DPF1: variants seen among roughly 807,000 people sequenced by gnomAD.
DPF1 encodes double PHD fingers 1, also known as zinc finger protein neuro-d4.
Under a neutral mutation model 58.7 loss-of-function variants are expected in DPF1, and 14 were observed. That is an observed-to-expected ratio of 0.24 (90% CI 0.16 to 0.37). The LOEUF is 0.37. Among genes scored for constraint, DPF1 ranks in the 10% least tolerant of loss-of-function variants. DPF1 has a pLI of 1.00. For synonymous variants in DPF1, 216 were observed against 216.0 expected (o/e 1.00, Z 0.00); for missense variants, 345 against 529.9 (o/e 0.65, Z 3.43).
chr19:38,214,770 G>A (rs887209776), intron 9 of DPF1, among the ~76,000 whole-genome samples: 22 of 151,430 alleles, frequency 1.5e-4, no homozygotes, highest in Non-Finnish European at 2.6e-4. Flanking sequence ...AGGCTCCAGC[G>A]ATCCTCCCAC....
intron 10 of DPF1, 65 bp from the exon 11 acceptor site, chr19:38,212,426 G>C (rs1007167587): frequency 4.9e-6 from 3 of 614,536 alleles, no homozygotes; most frequent in Non-Finnish European, 8.6e-6. Flanking sequence ...GGGGTGGGGG[G>C]CTGGGGCAGG....
At chr19:38,218,737 G>C (rs1967222576) in intron 4 of DPF1, 75 bp from the exon 5 acceptor site, 3 of 1,567,272 alleles carry the variant, frequency 1.9e-6, no homozygotes, top group Non-Finnish European at 2.6e-6. Context: ...CTGGGCAAAG[G>C]TGGAGATTGG....
Position 38,218,682 on chromosome 19 carries a change from G to A in DPF1, c.427-20C>T, listed in dbSNP as rs1045936533. ...CTGTTTCTGGGCAATAGAGAAAGGAGACGGGTCAAGAAAGTGGGGGCCACT... is the reference window on the plus strand; with the variant it reads ...CTGTTTCTGGGCAATAGAGAAAGGAAACGGGTCAAGAAAGTGGGGGCCACT... On this transcript the variant is annotated intron_variant, in intron 4 of 11. Transcript: ENST00000355526. 4 of 1,613,736 alleles carry A rather than the reference G, an allele frequency of 2.5e-6. No homozygotes were observed. The African/African-American group carries it at 4.0e-5, about 16-fold the overall frequency.
Position 38,211,331 on chromosome 19 carries a change from C to T in DPF1, c.*732G>A, listed in dbSNP as rs1973399436. ...GCGGAGTCTGTGCTTCTCATTCCAG[C>T]AGGCGCTGGGCGGGGGCCCACCCGG... On this transcript the variant is annotated 3_prime_UTR_variant, in exon 12 of 12. Transcript: ENST00000355526. This position sits in a 1 kb window ranked among gnomAD's most constrained non-coding sequence, Gnocchi z 4.0. 6.6e-6 allele frequency: 1 copy of T among 152,184 alleles called. No homozygotes were observed. The highest frequency in any genetic ancestry group is 2.4e-5 in the African/African-American group (1 of 41,438). The allele number at this position is 152,184 out of a possible 1,614,324, so 9.4% of individuals were successfully genotyped here.
chr19:38,218,143 A>G (rs1428888013), intron 5 of DPF1, among the ~76,000 whole-genome samples: 1 of 152,226 alleles, frequency 6.6e-6, no homozygotes, highest in African/African-American at 2.4e-5. Context: ...CGGAGGTTGC[A>G]GTGAGCAGAT....
Position 38,224,146 on chromosome 19 carries a change from G to A in DPF1, c.-4C>T, listed in dbSNP as rs1371790097. The A allele has an allele frequency of 2.1e-5, 31 of 1,477,074 alleles. No individual in the cohort carries two copies. Among genetic ancestry groups the A allele is most frequent in the Non-Finnish European group, 2.5e-5 (28 of 1,123,328 alleles). The allele number at this position is 1,477,074 out of a possible 1,614,324, so 91.5% of individuals were successfully genotyped here. On this transcript the variant is annotated 5_prime_UTR_variant, in exon 1 of 12. Coordinates refer to ENST00000355526, the MANE Select transcript of DPF1 (RefSeq NM_001135155.3). The surrounding 1 kb of genome is among the most constrained non-coding windows in gnomAD (Gnocchi z 4.5). ...GGCCAGGGATGACAGTGGCCATCTTGCTCCCCGGGTCCTGCCCCCAGCAGG... is the reference window on the plus strand; with the variant it reads ...GGCCAGGGATGACAGTGGCCATCTTACTCCCCGGGTCCTGCCCCCAGCAGG...
chr19:38,219,340 G>T, intron 3 of DPF1: 1 of 450,280 alleles, frequency 2.2e-6, no homozygotes, highest in Non-Finnish European at 4.0e-6. Flanking sequence ...GACCTACTCA[G>T]GGAAGACACA....
Position 38,218,563 on chromosome 19 carries a change from G to T in DPF1, c.516+10C>A, listed in dbSNP as rs1296280071. On this transcript the variant is annotated intron_variant, in intron 5 of 11. Transcript: ENST00000355526. Reference sequence around the variant, plus strand: ...GGGGAGCGGGGAAGAGGAGAAGCTTGGGGTGATACCTTTCCTTTGGCCCTG... The same window carrying T: ...GGGGAGCGGGGAAGAGGAGAAGCTTTGGGTGATACCTTTCCTTTGGCCCTG... 1 of 1,613,640 alleles carries T rather than the reference G, an allele frequency of 6.2e-7. No individual in the cohort carries two copies. The highest frequency in any genetic ancestry group is 8.5e-7 in the Non-Finnish European group (1 of 1,179,734).
At chr19:38,214,633 A>G (rs1373669660) in intron 9 of DPF1, among the ~76,000 whole-genome samples, 1 of 152,038 alleles carries the variant, frequency 6.6e-6, no homozygotes. Context: ...ACTACCTGCC[A>G]TGCCTTGGCC....
chr19:38,226,503 T>TACACACACAC (rs60328056), upstream of DPF1, among the ~76,000 whole-genome samples: 5,662 of 133,574 alleles, frequency 0.042, 147 homozygotes, highest in South Asian at 0.052. Flanking sequence ...CGGTCACTTC[T>TACACACACAC]ACACACACAC....
At chr19:38,217,390 C>CCCCCCCCCCCCGG in intron 7 of DPF1, 70 bp downstream of exon 7, 1 of 774,080 alleles carries the variant, frequency 1.3e-6, no homozygotes, top group Non-Finnish European at 1.9e-6. Context: ...CCCCCACCCC[C>CCCCCCCCCCCCGG]ACCCCCAGCT....
chr19:38,226,244 C>A (rs568506772), upstream of DPF1, among the ~76,000 whole-genome samples: 2 of 148,740 alleles, frequency 1.3e-5, no homozygotes, highest in East Asian at 2.0e-4. Context: ...CCCCGTCCCC[C>A]CTCCCGTCTC....
In DPF1 at chr19:38,224,160, GC is replaced by G. The variant is rs1189816180; in HGVS notation, c.-19del. 6.9e-6 allele frequency: 10 copies of G among 1,451,786 alleles called. No individual in the cohort carries two copies. In the African/African-American group the frequency reaches 1.0e-4, roughly 15 times the overall value. The allele number at this position is 1,451,786 out of a possible 1,614,324, so 89.9% of individuals were successfully genotyped here. A position where few individuals can be genotyped will look rare whatever the true frequency, so the allele number is the denominator to read the frequency against. On this transcript the variant is annotated 5_prime_UTR_variant, in exon 1 of 12. Transcript: ENST00000355526. The surrounding 1 kb of genome is among the most constrained non-coding windows in gnomAD (Gnocchi z 4.5). ...GTGGCCATCTTGCTCCCCGGGTCCT[GC>G]CCCCAGCAGGTCCCCGCCGGGTCGG...
chr19:38,212,402 G>A (rs1181313365), intron 10 of DPF1, 41 bp from the exon 11 acceptor site: 2 of 996,854 alleles, frequency 2.0e-6, no homozygotes, highest in Non-Finnish European at 2.9e-6. Context: ...CTGGGGGCAC[G>A]GGCACCAGAA....
At position 38,222,749 on chromosome 19, in the gene DPF1, C is replaced by G; in HGVS notation, c.30-41G>C. The G allele has an allele frequency of 6.5e-7, 1 of 1,526,840 alleles. No individual in the cohort carries two copies. Among genetic ancestry groups the G allele is most frequent in the Non-Finnish European group, 8.8e-7 (1 of 1,137,434 alleles). 94.6% of individuals were successfully genotyped at this position (1,526,840 alleles called of 1,614,324 possible). A position where few individuals can be genotyped will look rare whatever the true frequency, so the allele number is the denominator to read the frequency against. On this transcript the variant is annotated intron_variant, in intron 1 of 11. Coordinates refer to ENST00000355526, the MANE Select transcript of DPF1 (RefSeq NM_001135155.3). The surrounding 1 kb of genome is among the most constrained non-coding windows in gnomAD (Gnocchi z 4.9). Reference sequence around the variant, plus strand: ...ACGGGCGGGCGGCTGTCAGCAAGGGCAGGCGCACAGGGTCGCCCAGCACCC... The same window carrying G: ...ACGGGCGGGCGGCTGTCAGCAAGGGGAGGCGCACAGGGTCGCCCAGCACCC...
intron 3 of DPF1, among the ~76,000 whole-genome samples, chr19:38,220,360 G>A (rs1478223762): frequency 2.0e-5 from 3 of 151,990 alleles, no homozygotes; most frequent in Non-Finnish European, 4.4e-5. Flanking sequence ...GGTGGCTCAC[G>A]CCTGTAATCC....
intron 9 of DPF1, 102 bp downstream of exon 9, chr19:38,216,038 G>A (rs979016102): frequency 1.0e-5 from 15 of 1,495,498 alleles, no homozygotes; most frequent in East Asian, 4.6e-5. Context: ...TACATGCTCC[G>A]GGTCCCCTCG....
chr19:38,218,832 A>C (rs1017756193), intron 4 of DPF1, 99 bp downstream of exon 4: 227 of 1,573,488 alleles, frequency 1.4e-4, no homozygotes, highest in Non-Finnish European at 1.9e-4. Context: ...GCCAGAAGAA[A>C]CCGGGGGGGT....
intron 9 of DPF1, 40 bp from the exon 10 acceptor site, chr19:38,213,796 G>A (rs758411387): frequency 1.4e-5 from 22 of 1,553,188 alleles, no homozygotes; most frequent in East Asian, 6.8e-5. Flanking sequence ...GGAGGTCACC[G>A]TGCCCCTGGT....
Sources: gnomAD v4.1 joint callset for allele counts (sites outside exome capture counted in the v4.1 genomes callset) on GRCh38, gnomAD v4.1.1 for gene constraint, Gnocchi (gnomAD v3.1) non-coding constraint, MANE v1.5 for transcripts, NCBI Gene and HGNC (gene_info 2026-07-23, HGNC 2026-07-21) for gene names.